Variants in RGS22 observed in about 807,000 individuals in gnomAD.
RGS22 encodes regulator of G protein signaling 22.
RGS22 carries 148 observed loss-of-function variants against 172.9 expected under a neutral mutation model. That is an observed-to-expected ratio of 0.86 (90% CI 0.75 to 0.98). The LOEUF (loss-of-function observed/expected upper bound fraction) is 0.98, where lower values mean the gene tolerates loss of function less well. RGS22 is among the 50% of genes least tolerant of loss of function. The pLI is 0.00. For synonymous variants in RGS22, 458 were observed against 480.2 expected (o/e 0.95, Z 0.60); for missense variants, 1,347 against 1,440.8 (o/e 0.93, Z 1.05).
chr8:100,010,230 G>C (rs897043234), intron 14 of RGS22, among the ~76,000 whole-genome samples: 5 of 152,070 alleles, frequency 3.3e-5, no homozygotes, highest in African/African-American at 9.7e-5. Flanking sequence ...GCTCACACCT[G>C]TAATCCCAGC....
intron 23 of RGS22, among the ~76,000 whole-genome samples, chr8:99,969,741 T>TA (rs1166837948): frequency 6.6e-6 from 1 of 152,140 alleles, no homozygotes; most frequent in Admixed American, 6.6e-5. Context: ...AGCAAGTTCT[T>TA]AGAGACCTAC....
Position 99,966,405 on chromosome 8 carries a change from C to T in RGS22, c.3520-975G>A, listed in dbSNP as rs115704603. Among the ~76,000 whole-genome samples the T allele has an allele frequency of 7.5e-3, 1,138 of 152,034 alleles. 13 individuals are homozygous for T. Among genetic ancestry groups the T allele is most frequent in the African/African-American group, 0.026 (1,086 of 41,472 alleles). On this transcript the variant is annotated intron_variant, in intron 23 of 27. Coordinates refer to ENST00000360863, the MANE Select transcript of RGS22 (RefSeq NM_015668.5). ...AACATACCCATGTAACACAACTGCACTTGTACTCCTAAATCTATACAAATA... is the reference window on the plus strand; with the variant it reads ...AACATACCCATGTAACACAACTGCATTTGTACTCCTAAATCTATACAAATA...
intron 1 of RGS22, 124 bp downstream of exon 1, chr8:100,105,773 T>C: frequency 9.3e-6 from 8 of 862,764 alleles, no homozygotes; most frequent in East Asian, 3.2e-5. Context: ...AGTGAAGCCC[T>C]TTTTTCTCAT....
intron 2 of RGS22, among the ~76,000 whole-genome samples, chr8:100,102,631 T>C (rs1016121515): frequency 8.5e-5 from 13 of 152,164 alleles, no homozygotes; most frequent in Non-Finnish European, 1.9e-4. Context: ...TGGAAAGGCT[T>C]CATGGAGGAG....
At chr8:100,030,309 T>C (rs1008695576) in intron 14 of RGS22, among the ~76,000 whole-genome samples, 5 of 152,238 alleles carry the variant, frequency 3.3e-5, no homozygotes, top group African/African-American at 1.2e-4. Flanking sequence ...ATAGTGATAA[T>C]AAATGATCAT....
At chr8:100,080,546 GC>G in intron 3 of RGS22, 191 bp from the exon 4 acceptor site, 1 of 556,668 alleles carries the variant, frequency 1.8e-6, no homozygotes, top group Non-Finnish European at 3.2e-6. Context: ...ACTCTTCCTT[GC>G]CAATGCACTT....
Position 100,052,679 on chromosome 8 carries a change from C to A in RGS22, c.1689+123G>T, listed in dbSNP as rs537827785. 12 of 872,130 alleles carry A rather than the reference C, an allele frequency of 1.4e-5. No individual in the cohort carries two copies. The South Asian group carries it at 2.1e-4, about 15-fold the overall frequency. The allele number at this position is 872,130 out of a possible 1,614,324, so 54.0% of individuals were successfully genotyped here. A position where few individuals can be genotyped will look rare whatever the true frequency, so the allele number is the denominator to read the frequency against. Reference sequence around the variant, plus strand: ...AGGTTTTCTTATTTCCTAAATGTTGCAGCTTGTACATTAGCAAAAATCACA... The same window carrying A: ...AGGTTTTCTTATTTCCTAAATGTTGAAGCTTGTACATTAGCAAAAATCACA... On this transcript the variant is annotated intron_variant, in intron 10 of 27. Transcript: ENST00000360863.
At chr8:99,984,952 G>A (rs942561568) in intron 21 of RGS22, among the ~76,000 whole-genome samples, 2 of 152,100 alleles carry the variant, frequency 1.3e-5, no homozygotes, top group Admixed American at 1.3e-4. Flanking sequence ...CTACTATATA[G>A]ATATATCGTA....
At chr8:100,081,346 AT>A (rs1444581298) in intron 3 of RGS22, among the ~76,000 whole-genome samples, 2 of 134,824 alleles carry the variant, frequency 1.5e-5, no homozygotes. Context: ...GTATGTGTAT[AT>A]ATGTGTGCGT....
intron 14 of RGS22, among the ~76,000 whole-genome samples, chr8:100,020,763 A>G (rs1817524490): frequency 6.6e-6 from 1 of 152,236 alleles, no homozygotes; most frequent in South Asian, 2.1e-4. Flanking sequence ...CAAAGGCCTC[A>G]GGAAAAAAAG....
In RGS22 at chr8:100,066,417, ATC is replaced by A. The variant is rs1021266028; in HGVS notation, c.595-123_595-122del. Reference sequence around the variant, plus strand: ...CAGTACAATATGTAAAGTGAAAATTATCTCATGAAGGAAAATAAAATTCTACT... The same window carrying A: ...CAGTACAATATGTAAAGTGAAAATTATCATGAAGGAAAATAAAATTCTACT... On this transcript the variant is annotated intron_variant, in intron 6 of 27. Coordinates refer to ENST00000360863, the MANE Select transcript of RGS22 (RefSeq NM_015668.5). 6.9e-6 allele frequency: 5 copies of A among 721,782 alleles called. No homozygotes were observed. In the African/African-American group the frequency reaches 9.0e-5, roughly 13 times the overall value. 44.7% of individuals were successfully genotyped at this position (721,782 alleles called of 1,614,324 possible). A position where few individuals can be genotyped will look rare whatever the true frequency, so the allele number is the denominator to read the frequency against.
chr8:99,975,733 A>G (rs1041722355), intron 23 of RGS22, among the ~76,000 whole-genome samples: 6 of 152,022 alleles, frequency 3.9e-5, no homozygotes, highest in African/African-American at 1.4e-4. Flanking sequence ...TTATTTGTAG[A>G]GATGAGGTCT....
chr8:100,041,591 C>T (rs1291845575), intron 12 of RGS22, among the ~76,000 whole-genome samples: 1 of 151,486 alleles, frequency 6.6e-6, no homozygotes, highest in Non-Finnish European at 1.5e-5. Flanking sequence ...TGTTTGAAAA[C>T]AGTAATCAAT....
intron 12 of RGS22, among the ~76,000 whole-genome samples, chr8:100,041,519 AATGTAAC>A (rs2131605737): frequency 6.6e-6 from 1 of 152,198 alleles, no homozygotes; most frequent in Non-Finnish European, 1.5e-5. Flanking sequence ...AGGCTTCTAA[AATGTAAC>A]ATCAAATACT....
At chr8:100,026,412 T>C (rs932543233) in intron 14 of RGS22, among the ~76,000 whole-genome samples, 3 of 146,564 alleles carry the variant, frequency 2.0e-5, no homozygotes, top group African/African-American at 7.9e-5. Flanking sequence ...TCTGGTGACA[T>C]TTACTGACTC....
At chr8:99,994,112 T>C (rs1231582682) in intron 20 of RGS22, among the ~76,000 whole-genome samples, 4 of 152,094 alleles carry the variant, frequency 2.6e-5, no homozygotes, top group African/African-American at 9.7e-5. Flanking sequence ...ATGGAACATA[T>C]CTCAAAATAA....
intron 14 of RGS22, among the ~76,000 whole-genome samples, chr8:100,018,838 T>A (rs1221270235): frequency 6.6e-6 from 1 of 152,202 alleles, no homozygotes; most frequent in East Asian, 1.9e-4. Flanking sequence ...TAGAAGTGAA[T>A]CCCCATCTCC....
chr8:100,034,041 T>C (rs1315146009), intron 14 of RGS22, among the ~76,000 whole-genome samples: 1 of 152,146 alleles, frequency 6.6e-6, no homozygotes, highest in Non-Finnish European at 1.5e-5. Context: ...AGCATTCCCT[T>C]TGAAAACCAG....
At chr8:100,073,106 T>C (rs1001482447) in intron 4 of RGS22, among the ~76,000 whole-genome samples, 21 of 152,246 alleles carry the variant, frequency 1.4e-4, no homozygotes, top group African/African-American at 5.1e-4. Context: ...TCTAGAATTC[T>C]AAATAATATC....
Sources: allele counts gnomAD v4.1 joint callset (sites outside exome capture counted in the v4.1 genomes callset), GRCh38; gene constraint gnomAD v4.1.1; transcripts MANE v1.5; gene names NCBI Gene and HGNC (gene_info 2026-07-23, HGNC 2026-07-21).